Variants in CYTH4 observed in about 807,000 individuals in gnomAD.
CYTH4 encodes cytohesin 4, also known as cytohesin-4.
A neutral mutation model predicts 57.5 loss-of-function variants in CYTH4; 22 were observed. The observed-to-expected ratio is 0.38, with a 90% confidence interval of 0.27 to 0.55. The LOEUF is 0.55. Among genes scored for constraint, CYTH4 ranks in the 20% least tolerant of loss-of-function variants. CYTH4 has a pLI of 0.74. For synonymous variants in CYTH4, 186 were observed against 206.5 expected, an observed-to-expected ratio of 0.90 and a Z score of 0.85; for missense variants, 420 against 535.6, an observed-to-expected ratio of 0.78 and a Z score of 2.13.
rs1214111697 is a variant in CYTH4, at chr22:37,313,917, A to C, written c.*406A>C. 1.2e-5 allele frequency: 3 copies of C among 242,230 alleles called. No homozygotes were observed. Among genetic ancestry groups the C allele is most frequent in the Non-Finnish European group, 2.4e-5 (3 of 124,524 alleles). The allele number at this position is 242,230 out of a possible 1,614,324, so 15.0% of individuals were successfully genotyped here. Reference sequence around the variant, plus strand: ...CGTAGGAGGGGCCGTGGGGTCCCTAAGTGATTCTTCTCCCTGGCAAGGCTC... The same window carrying C: ...CGTAGGAGGGGCCGTGGGGTCCCTACGTGATTCTTCTCCCTGGCAAGGCTC... On this transcript the variant is annotated 3_prime_UTR_variant, in exon 13 of 13. Transcript: ENST00000248901.
intron 1 of CYTH4, among the ~76,000 whole-genome samples, chr22:37,284,439 G>A (rs55856232): frequency 6.6e-6 from 1 of 152,166 alleles, no homozygotes; most frequent in Non-Finnish European, 1.5e-5. Context: ...TTTCCCACTG[G>A]GGCAGAGGAG....
intron 2 of CYTH4, among the ~76,000 whole-genome samples, chr22:37,293,881 G>A (rs568079557): frequency 4.6e-5 from 7 of 152,122 alleles, no homozygotes; most frequent in African/African-American, 1.4e-4. Flanking sequence ...CGGGCGTGTC[G>A]TGTCATCTCT....
chr22:37,305,693 T>C (rs1315824784), intron 8 of CYTH4, among the ~76,000 whole-genome samples: 1 of 152,192 alleles, frequency 6.6e-6, no homozygotes. Flanking sequence ...CACCTTCAGA[T>C]AGTCAAAGGT....
intron 5 of CYTH4, 129 bp downstream of exon 5, chr22:37,297,811 C>A (rs75634565): frequency 4.2e-6 from 3 of 718,258 alleles, no homozygotes; most frequent in African/African-American, 1.8e-5. Context: ...GAGGGGCTCA[C>A]GGATCATCCC....
chr22:37,286,367 G>A (rs1928562103), intron 1 of CYTH4, among the ~76,000 whole-genome samples: 1 of 152,168 alleles, frequency 6.6e-6, no homozygotes, highest in South Asian at 2.1e-4. Context: ...TCACCTGTAG[G>A]ATGAGCTTAG....
Position 37,313,706 on chromosome 22 carries a change from C to T in CYTH4, c.*195C>T. The T allele has an allele frequency of 1.7e-6, 1 of 606,006 alleles. No homozygotes were observed. Among genetic ancestry groups the T allele is most frequent in the Non-Finnish European group, 2.9e-6 (1 of 343,294 alleles). The allele number at this position is 606,006 out of a possible 1,614,324, so 37.5% of individuals were successfully genotyped here. On this transcript the variant is annotated 3_prime_UTR_variant, in exon 13 of 13. Coordinates refer to ENST00000248901, the MANE Select transcript of CYTH4 (RefSeq NM_013385.5). Reference sequence around the variant, plus strand: ...TGGGAGCTGCAGTGGGCTCAGAGTCCAGCAATGAGGCCCCCTGGCCTGGGC... The same window carrying T: ...TGGGAGCTGCAGTGGGCTCAGAGTCTAGCAATGAGGCCCCCTGGCCTGGGC...
intron 1 of CYTH4, among the ~76,000 whole-genome samples, chr22:37,286,162 A>T (rs752908162): frequency 6.6e-6 from 1 of 152,134 alleles, no homozygotes; most frequent in Non-Finnish European, 1.5e-5. Flanking sequence ...TGAAACGTGT[A>T]ACCCCGTCAG....
In CYTH4 at chr22:37,314,727, TC is replaced by T. The variant is rs1929791342; in HGVS notation, c.*1217del. On this transcript the variant is annotated 3_prime_UTR_variant, in exon 13 of 13. Coordinates refer to ENST00000248901, the MANE Select transcript of CYTH4 (RefSeq NM_013385.5). ...GAGGAGTCCACTAACAGGAAACACT[TC>T]TCACCCCCTCACACAGGCCCAGGGG... 7.2e-6 allele frequency: 2 copies of T among 276,886 alleles called. No homozygotes were observed. The allele number at this position is 276,886 out of a possible 1,614,324, so 17.2% of individuals were successfully genotyped here.
At chr22:37,302,985 G>C (rs1929238482) in intron 7 of CYTH4, among the ~76,000 whole-genome samples, 1 of 152,176 alleles carries the variant, frequency 6.6e-6, no homozygotes, top group African/African-American at 2.4e-5. Flanking sequence ...GGAGAGGAGG[G>C]AAGGAAGGGC....
intron 1 of CYTH4, among the ~76,000 whole-genome samples, chr22:37,286,820 G>C (rs760947003): frequency 6.6e-6 from 1 of 152,138 alleles, no homozygotes; most frequent in African/African-American, 2.4e-5. Context: ...GTGAGATTTG[G>C]GGTCTTTGTC....
At position 37,300,900 on chromosome 22, in the gene CYTH4, C is replaced by A; in HGVS notation, c.435-7C>A. 1 of 1,612,982 alleles carries A rather than the reference C, an allele frequency of 6.2e-7. No individual in the cohort carries two copies. Among genetic ancestry groups the A allele is most frequent in the South Asian group, 1.1e-5 (1 of 90,978 alleles). Reference sequence around the variant, plus strand: ...CTCCACTGCCCGTGGCCCCGTTTCTCCCCCAGGCAGTTCCTGTGGAGCTTC... The same window carrying A: ...CTCCACTGCCCGTGGCCCCGTTTCTACCCCAGGCAGTTCCTGTGGAGCTTC... On this transcript the variant is annotated splice_polypyrimidine_tract_variant and splice_region_variant and intron_variant, in intron 6 of 12. Coordinates refer to ENST00000248901, the MANE Select transcript of CYTH4 (RefSeq NM_013385.5).
intron 1 of CYTH4, among the ~76,000 whole-genome samples, chr22:37,283,202 C>T: frequency 6.6e-6 from 1 of 151,860 alleles, no homozygotes; most frequent in Non-Finnish European, 1.5e-5. Context: ...CAGGGGAGGG[C>T]CAGGAGTGAG....
At chr22:37,300,673 C>A (rs1244357844) in intron 6 of CYTH4, among the ~76,000 whole-genome samples, 1 of 152,240 alleles carries the variant, frequency 6.6e-6, no homozygotes, top group Non-Finnish European at 1.5e-5. Context: ...TTCAGACCTG[C>A]AGAGCGGGGC....
intron 1 of CYTH4, among the ~76,000 whole-genome samples, chr22:37,287,294 G>T (rs1928593371): frequency 1.3e-5 from 2 of 152,008 alleles, no homozygotes; most frequent in African/African-American, 4.8e-5. Context: ...AGCTTCAGGA[G>T]CCCCATCACT....
chr22:37,313,320 C>G, intron 12 of CYTH4, 119 bp from the exon 13 acceptor site: 3 of 993,096 alleles, frequency 3.0e-6, no homozygotes, highest in Non-Finnish European at 4.7e-6. Flanking sequence ...GGCCTTTCCC[C>G]CGCGGCAGAG....
chr22:37,305,357 C>T (rs1265568217), intron 8 of CYTH4, among the ~76,000 whole-genome samples: 1 of 152,160 alleles, frequency 6.6e-6, no homozygotes, highest in Non-Finnish European at 1.5e-5. Flanking sequence ...CCCTTATTAT[C>T]CTCTTTGGCA....
chr22:37,306,942 A>G (rs890337580), intron 8 of CYTH4, among the ~76,000 whole-genome samples: 4 of 152,216 alleles, frequency 2.6e-5, no homozygotes, highest in Admixed American at 6.5e-5. Flanking sequence ...GCCAGATGTG[A>G]GTCATTCACC....
In CYTH4 at chr22:37,314,061, A is replaced by C; in HGVS notation, c.*550A>C. 3 of 312,782 alleles carry C rather than the reference A, an allele frequency of 9.6e-6. No homozygotes were observed. The highest frequency in any genetic ancestry group is 1.8e-5 in the Non-Finnish European group (3 of 171,410). 19.4% of individuals were successfully genotyped at this position (312,782 alleles called of 1,614,324 possible). On this transcript the variant is annotated 3_prime_UTR_variant, in exon 13 of 13. Coordinates refer to ENST00000248901, the MANE Select transcript of CYTH4 (RefSeq NM_013385.5). ...AGACCCACGGACAGGACCCCGGGAC[A>C]GAACCCCGGGAGCACTGCCCTAGGA...
chr22:37,296,225 G>C (rs1928963164), intron 4 of CYTH4, 160 bp downstream of exon 4: 2 of 758,202 alleles, frequency 2.6e-6, no homozygotes, highest in South Asian at 3.7e-5. Flanking sequence ...ATGGCCAGCT[G>C]TGGCTGGGCG....
Sources: gnomAD v4.1 joint callset for allele counts (sites outside exome capture counted in the v4.1 genomes callset) on GRCh38, gnomAD v4.1.1 for gene constraint, MANE v1.5 for transcripts, NCBI Gene and HGNC (gene_info 2026-07-23, HGNC 2026-07-21) for gene names.